Variants in ALMS1 observed in about 807,000 individuals in gnomAD.
The protein encoded by ALMS1 is centrosome-associated protein ALMS1.
A neutral mutation model predicts 352.2 loss-of-function variants in ALMS1; 271 were observed. That is an observed-to-expected ratio of 0.77 (90% CI 0.70 to 0.85). The LOEUF is 0.85. Ranked by LOEUF, ALMS1 falls within the 40% of genes least tolerant of loss-of-function variation. The probability of loss-of-function intolerance (pLI) is 0.00; values close to 1 mark genes in which losing one functional copy is unlikely to be tolerated. For missense variants in ALMS1, 5,445 were observed against 4,870.7 expected, an observed-to-expected ratio of 1.12 and a Z score of -3.51; for synonymous variants, 1,865 against 1,761.2, an observed-to-expected ratio of 1.06 and a Z score of -1.48.
intron 12 of ALMS1, among the ~76,000 whole-genome samples, chr2:73,541,614 C>G (rs113839046): frequency 6.6e-6 from 1 of 152,106 alleles, no homozygotes; most frequent in African/African-American, 2.4e-5. Context: ...AATTGATAGA[C>G]TGCTGGCCAG....
chr2:73,562,436 A>G (rs1233609739), intron 15 of ALMS1, among the ~76,000 whole-genome samples: 1 of 152,202 alleles, frequency 6.6e-6, no homozygotes, highest in African/African-American at 2.4e-5. Flanking sequence ...AAAGAAAAAG[A>G]ATGAATCATG....
Position 73,408,653 on chromosome 2 carries a change from A to C in ALMS1, c.356A>C (p.Gln119Pro). 6.2e-7 allele frequency: 1 copy of C among 1,613,548 alleles called. No individual in the cohort carries two copies. The highest frequency in any genetic ancestry group is 1.1e-5 in the South Asian group (1 of 91,080). ...CCATTGACCTGTCATGTATGGCAAC[A>C]GATAGTATATCAAGGCAATAGTAGA... ...IVPLTCHVWQ[Q>P]IVYQGNSRTQ... is the part of the protein sequence containing the mutation. The change falls in exon 2 of 23, where the codon CAG becomes CCG. Residue 119 changes from glutamine to proline, a missense_variant. Gln to Pro is a moderately conservative substitution (Grantham distance 76, BLOSUM62 -1). Coordinates refer to ENST00000613296, the MANE Select transcript of ALMS1 (RefSeq NM_001378454.1).
chr2:73,552,164 A>G (rs934111475), intron 13 of ALMS1, among the ~76,000 whole-genome samples: 6 of 152,172 alleles, frequency 3.9e-5, no homozygotes, highest in Non-Finnish European at 8.8e-5. Context: ...TTAACTCGTC[A>G]TTTAGCATTA....
intron 2 of ALMS1, among the ~76,000 whole-genome samples, chr2:73,411,479 A>G (rs995237082): frequency 2.0e-5 from 3 of 152,128 alleles, no homozygotes; most frequent in African/African-American, 7.2e-5. Context: ...CATATTTCTA[A>G]ATAATATTCT....
At chr2:73,439,576 C>T (rs1392712651) in intron 7 of ALMS1, among the ~76,000 whole-genome samples, 1 of 152,142 alleles carries the variant, frequency 6.6e-6, no homozygotes, top group Non-Finnish European at 1.5e-5. Context: ...GAGTCTTGCT[C>T]TGTCACCAGG....
intron 7 of ALMS1, among the ~76,000 whole-genome samples, chr2:73,445,646 T>TA (rs11421982): frequency 0.88 from 133,197 of 152,078 alleles, 58,421 homozygotes; most frequent in Admixed American, 0.92. Flanking sequence ...CTTCGTCACC[T>TA]AGGAAGCCTT....
chr2:73,395,003 TG>T (rs1670725004), intron 1 of ALMS1, among the ~76,000 whole-genome samples: 1 of 145,758 alleles, frequency 6.9e-6, no homozygotes. Context: ...TATATATATG[TG>T]TATATATATG....
At chr2:73,402,917 T>C (rs1276736259) in intron 1 of ALMS1, among the ~76,000 whole-genome samples, 3 of 152,236 alleles carry the variant, frequency 2.0e-5, no homozygotes, top group African/African-American at 7.2e-5. Flanking sequence ...ACAAGTTCTT[T>C]ATATATTGTG....
chr2:73,390,567 T>G (rs774543023), intron 1 of ALMS1, among the ~76,000 whole-genome samples: 7 of 152,192 alleles, frequency 4.6e-5, no homozygotes, highest in Non-Finnish European at 1.0e-4. Context: ...TATAACTAAG[T>G]CTTTTTAAGA....
intron 16 of ALMS1, 167 bp downstream of exon 16, chr2:73,573,591 T>C (rs1348630170): frequency 2.7e-6 from 2 of 736,730 alleles, no homozygotes; most frequent in African/African-American, 3.5e-5. Flanking sequence ...CTATTGTGAG[T>C]TGTCATTATT....
rs1041392040 is a variant in ALMS1 at position 73,482,473 on chromosome 2, A to G, written c.7675-7161A>G. On this transcript the variant is annotated intron_variant, in intron 9 of 22. Coordinates refer to ENST00000613296, the MANE Select transcript of ALMS1 (RefSeq NM_001378454.1). ...AGCTTTTCGGTGTGCTGCTGGATTCAGTTTGCCAGTATTTTATTGAGGATT... is the reference window on the plus strand; with the variant it reads ...AGCTTTTCGGTGTGCTGCTGGATTCGGTTTGCCAGTATTTTATTGAGGATT... 4.8e-5 allele frequency among the ~76,000 whole-genome samples: 7 copies of G among 147,148 alleles called. No individual in the cohort carries two copies. In the East Asian group the frequency reaches 1.3e-3, roughly 28 times the overall value.
chr2:73,412,963 T>G (rs181726475), intron 2 of ALMS1, among the ~76,000 whole-genome samples: 73 of 152,250 alleles, frequency 4.8e-4, no homozygotes, highest in Non-Finnish European at 8.7e-4. Context: ...TCTTGGCAGC[T>G]GTTGGTATCA....
intron 16 of ALMS1, among the ~76,000 whole-genome samples, chr2:73,575,449 G>A (rs943561057): frequency 6.6e-5 from 10 of 152,090 alleles, no homozygotes; most frequent in African/African-American, 2.4e-4. Context: ...CAGTTCACAA[G>A]GGTTTCAATT....
At chr2:73,522,467 C>CTTTTTTTT (rs137919148) in intron 11 of ALMS1, among the ~76,000 whole-genome samples, 1 of 106,754 alleles carries the variant, frequency 9.4e-6, no homozygotes, top group East Asian at 2.6e-4. Context: ...GGTTGAGGTC[C>CTTTTTTTT]TTTTTTTTTT....
At chr2:73,515,034 G>C (rs577383866) in intron 10 of ALMS1, among the ~76,000 whole-genome samples, 2 of 152,038 alleles carry the variant, frequency 1.3e-5, no homozygotes, top group Non-Finnish European at 2.9e-5. Flanking sequence ...TATTGTTTCT[G>C]CACTCTTCCC....
intron 5 of ALMS1, among the ~76,000 whole-genome samples, chr2:73,425,735 CTTTA>C (rs1671365566): frequency 6.6e-6 from 1 of 152,142 alleles, no homozygotes; most frequent in Admixed American, 6.5e-5. Flanking sequence ...GATGAAACCT[CTTTA>C]TTTGATAGGC....
intron 9 of ALMS1, among the ~76,000 whole-genome samples, chr2:73,471,546 A>G (rs1395154436): frequency 6.6e-6 from 1 of 151,484 alleles, no homozygotes; most frequent in Non-Finnish European, 1.5e-5. Context: ...TGGTTAAAAC[A>G]TGGGTAAAGG....
At chr2:73,433,722 A>G (rs905032218) in intron 7 of ALMS1, among the ~76,000 whole-genome samples, 3 of 152,094 alleles carry the variant, frequency 2.0e-5, no homozygotes, top group African/African-American at 7.2e-5. Context: ...TTTGAATAGA[A>G]TTTACTGTGA....
chr2:73,591,417 T>A lies in ALMS1; in HGVS notation c.11548-7984T>A, dbSNP rs2104163718. Among the ~76,000 whole-genome samples, 3 of 152,310 alleles carry A rather than the reference T, an allele frequency of 2.0e-5. 1 individual carries two copies. Among genetic ancestry groups the A allele is most frequent in the Admixed American group, 2.0e-4 (3 of 15,294 alleles). On this transcript the variant is annotated intron_variant, in intron 16 of 22. Coordinates refer to ENST00000613296, the MANE Select transcript of ALMS1 (RefSeq NM_001378454.1). ...AAGTAATGTCAATAAATTAATTTAT[T>A]AGAAAAATCTAATGTTCTTTTGTTA...
Sources: allele counts gnomAD v4.1 joint callset (sites outside exome capture counted in the v4.1 genomes callset), GRCh38; gene constraint gnomAD v4.1.1; transcripts MANE v1.5; gene names NCBI Gene and HGNC (gene_info 2026-07-23, HGNC 2026-07-21).